DNAH9: variants seen among roughly 807,000 people sequenced by gnomAD.
DNAH9 encodes dynein axonemal heavy chain 9, also known as DNAH9 variant protein.
Under a neutral mutation model 471.6 loss-of-function variants are expected in DNAH9, and 345 were observed. That is an observed-to-expected ratio of 0.73 (90% CI 0.67 to 0.80). The LOEUF (loss-of-function observed/expected upper bound fraction) is 0.80. DNAH9 is among the 30% of genes least tolerant of loss of function. The pLI is 0.00. For synonymous variants in DNAH9, 2,093 were observed against 2,123.6 expected (o/e 0.99, Z 0.40); for missense variants, 5,407 against 5,609.2 (o/e 0.96, Z 1.15).
intron 12 of DNAH9, among the ~76,000 whole-genome samples, chr17:11,648,167 A>T (rs1055588283): frequency 6.6e-6 from 1 of 152,242 alleles, no homozygotes; most frequent in Non-Finnish European, 1.5e-5. Context: ...AGTCACCTAC[A>T]TCTGCCTTGA....
intron 4 of DNAH9, among the ~76,000 whole-genome samples, chr17:11,614,219 T>A (rs190837354): frequency 2.0e-5 from 3 of 152,296 alleles, no homozygotes; most frequent in Middle Eastern, 3.4e-3. Context: ...TCTTTTTTTT[T>A]ATCCTAAATA....
At chr17:11,614,565 C>T (rs2072703501) in intron 4 of DNAH9, among the ~76,000 whole-genome samples, 1 of 152,176 alleles carries the variant, frequency 6.6e-6, no homozygotes, top group South Asian at 2.1e-4. Context: ...GTTTCTGAGT[C>T]CATTTGTGCT....
intron 53 of DNAH9, among the ~76,000 whole-genome samples, chr17:11,876,722 T>G (rs545769017): frequency 6.6e-6 from 1 of 152,214 alleles, no homozygotes; most frequent in South Asian, 2.1e-4. Context: ...TTTGTTTGTT[T>G]GTTTGTTTGT....
At chr17:11,948,168 T>A (rs531866171) in intron 67 of DNAH9, among the ~76,000 whole-genome samples, 2 of 151,780 alleles carry the variant, frequency 1.3e-5, no homozygotes, top group African/African-American at 4.8e-5. Flanking sequence ...TTTCTAAAGA[T>A]GTGAAGCTGT....
rs1367237664 is a variant in DNAH9 at position 11,644,561 on chromosome 17, A to G, written c.1902-70A>G. 6 of 1,117,642 alleles carry G rather than the reference A, an allele frequency of 5.4e-6. No individual in the cohort carries two copies. The African/African-American group carries it at 7.7e-5, about 14-fold the overall frequency. 69.2% of individuals were successfully genotyped at this position (1,117,642 alleles called of 1,614,324 possible). A position where few individuals can be genotyped will look rare whatever the true frequency, so the allele number is the denominator to read the frequency against. ...ATTCACGCTCTTCTTTGGAGACTGC[A>G]GTTTGTTCCTCGGATTATTACTTTA... On this transcript the variant is annotated intron_variant, in intron 10 of 68. Transcript: ENST00000262442.
intron 38 of DNAH9, among the ~76,000 whole-genome samples, chr17:11,777,582 G>T (rs1968486586): frequency 6.6e-6 from 1 of 152,216 alleles, no homozygotes; most frequent in Non-Finnish European, 1.5e-5. Flanking sequence ...GCTCATCACA[G>T]TTCTGAATTC....
In DNAH9 at chr17:11,807,898, A is replaced by G; in HGVS notation, c.8583+4A>G. On this transcript the variant is annotated splice_donor_region_variant and intron_variant, in intron 44 of 68. Transcript: ENST00000262442. ...CTACCAGATCCAGGACTTCAAGGTA[A>G]AAGGTCAGGCAGCTGCAGGGAGGAG... The G allele has an allele frequency of 6.3e-7, 1 of 1,598,358 alleles. No individual in the cohort carries two copies. Among genetic ancestry groups the G allele is most frequent in the Non-Finnish European group, 8.6e-7 (1 of 1,167,220 alleles).
chr17:11,745,566 C>T (rs115267635), intron 31 of DNAH9, among the ~76,000 whole-genome samples: 1,868 of 152,176 alleles, frequency 0.012, 44 homozygotes, highest in African/African-American at 0.043. Context: ...CCCGACAACA[C>T]GCAAGATAAA....
At chr17:11,792,857 C>T (rs1308279747) in intron 41 of DNAH9, among the ~76,000 whole-genome samples, 1 of 152,212 alleles carries the variant, frequency 6.6e-6, no homozygotes, top group Non-Finnish European at 1.5e-5. Flanking sequence ...GCAACTTACT[C>T]TATGAAATGG....
rs532662605 is a variant in DNAH9 at position 11,956,883 on chromosome 17, G to C, written c.12844-4984G>C. ...ACCTTAAGAAACTAGGAAAAAAATG[G>C]CAAAACAAACCCAAAGTAAACAAAA... On this transcript the variant is annotated intron_variant, in intron 67 of 68. Transcript: ENST00000262442. 3.1e-3 allele frequency among the ~76,000 whole-genome samples: 464 copies of C among 151,354 alleles called. 3 individuals carry two copies. Among genetic ancestry groups the C allele is most frequent in the African/African-American group, 0.011 (440 of 41,338 alleles).
chr17:11,885,572 C>G (rs1328143005), intron 56 of DNAH9, among the ~76,000 whole-genome samples: 5 of 152,272 alleles, frequency 3.3e-5, no homozygotes, highest in Middle Eastern at 3.4e-3. Flanking sequence ...AAACTGAACA[C>G]TTTTTAAATT....
intron 60 of DNAH9, among the ~76,000 whole-genome samples, chr17:11,904,768 A>G (rs1482093108): frequency 6.6e-6 from 1 of 152,042 alleles, no homozygotes; most frequent in African/African-American, 2.4e-5. Context: ...AGAAGGCTAC[A>G]GGGAAAATAG....
intron 67 of DNAH9, among the ~76,000 whole-genome samples, chr17:11,950,235 T>C (rs1485019422): frequency 6.6e-6 from 1 of 152,222 alleles, no homozygotes; most frequent in African/African-American, 2.4e-5. Context: ...TACTCATACA[T>C]CATTATCACC....
chr17:11,742,043 A>G, intron 29 of DNAH9, 132 bp from the exon 30 acceptor site: 1 of 721,684 alleles, frequency 1.4e-6, no homozygotes, highest in East Asian at 2.5e-5. Context: ...ATAATGGCTC[A>G]GGTCTTTCCA....
chr17:11,959,892 T>C (rs557238052), intron 67 of DNAH9, among the ~76,000 whole-genome samples: 1 of 152,388 alleles, frequency 6.6e-6, no homozygotes, highest in South Asian at 2.1e-4. Flanking sequence ...TCATTCAGGC[T>C]GGTCCATCTG....
At chr17:11,670,029 G>A (rs1807993451) in intron 17 of DNAH9, among the ~76,000 whole-genome samples, 1 of 152,126 alleles carries the variant, frequency 6.6e-6, no homozygotes, top group African/African-American at 2.4e-5. Context: ...TGTGTGAAAG[G>A]CACGTGGTTA....
intron 14 of DNAH9, among the ~76,000 whole-genome samples, chr17:11,659,445 C>T (rs945818536): frequency 6.6e-6 from 1 of 152,086 alleles, no homozygotes; most frequent in Non-Finnish European, 1.5e-5. Context: ...GGCTGCCCTG[C>T]TGCACTGCAA....
At chr17:11,811,512 G>A (rs566320452) in intron 45 of DNAH9, among the ~76,000 whole-genome samples, 1 of 152,122 alleles carries the variant, frequency 6.6e-6, no homozygotes, top group Non-Finnish European at 1.5e-5. Context: ...AGATATGGAG[G>A]CCATAGGTAA....
rs764096418 is a variant in DNAH9 at position 11,738,941 on chromosome 17, A to T, written c.5876A>T (p.Glu1959Val). ...KKQWFSFLGE[E>V]ISLNPSVGIF... ...CAGTGGTTCAGCTTCCTTGGGGAGG[A>T]GATCAGCCTGAATCCTTCTGTCGGT... is the stretch of plus-strand genomic sequence containing the variant. Residue 1959 changes from glutamate to valine, a missense_variant, in exon 29 of 69, where the codon GAG (glutamate) becomes GTG (valine). Transcript: ENST00000262442. 5 of 1,614,106 alleles carry T rather than the reference A, an allele frequency of 3.1e-6. 1 individual carries two copies. In the South Asian group the frequency reaches 4.4e-5, roughly 14 times the overall value.
Sources: gnomAD v4.1 joint callset for allele counts (sites outside exome capture counted in the v4.1 genomes callset) on GRCh38, gnomAD v4.1.1 for gene constraint, MANE v1.5 for transcripts, NCBI Gene and HGNC (gene_info 2026-07-23, HGNC 2026-07-21) for gene names.